PTPN13: variants seen among roughly 807,000 people sequenced by gnomAD.
The protein encoded by PTPN13 is protein tyrosine phosphatase non-receptor type 13.
In PTPN13, 191 loss-of-function variants were observed where a neutral mutation model predicts 284.0. That is an observed-to-expected ratio of 0.67 (90% CI 0.60 to 0.76). PTPN13 has a LOEUF of 0.76. PTPN13 is among the 30% of genes least tolerant of loss of function. The pLI is 0.00. For missense variants in PTPN13, 2,797 were observed against 2,939.9 expected, an observed-to-expected ratio of 0.95 and a Z score of 1.12; for synonymous variants, 986 against 1,022.3, an observed-to-expected ratio of 0.96 and a Z score of 0.68.
At chr4:86,655,588 G>A (rs1211366133) in intron 2 of PTPN13, among the ~76,000 whole-genome samples, 1 of 152,202 alleles carries the variant, frequency 6.6e-6, no homozygotes, top group Non-Finnish European at 1.5e-5. Flanking sequence ...CTTCTGGCGT[G>A]TAGAGTTTCT....
chr4:86,657,200 T>C (rs908137892), intron 2 of PTPN13, among the ~76,000 whole-genome samples: 2 of 152,170 alleles, frequency 1.3e-5, no homozygotes, highest in Non-Finnish European at 2.9e-5. Flanking sequence ...TCGTCCTGCT[T>C]CGGCTCATGC....
chr4:86,799,181 C>A lies in PTPN13; in HGVS notation c.6482C>A (p.Thr2161Lys). The change falls in exon 42 of 48, where the codon ACA becomes AAA. Residue 2161 changes from threonine to lysine, a missense_variant. Thr to Lys is a moderately conservative substitution (Grantham distance 78, BLOSUM62 -1). Coordinates refer to ENST00000411767, the MANE Select transcript of PTPN13 (RefSeq NM_080683.3). ...AATGATGAGTTGCCAATAGAGAGAA[C>A]AAACCATGAAGATTCTGATAAAGGC... ...WGNDELPIERTNHEDSDKDHS... is the reference protein window; with the variant it reads ...WGNDELPIERKNHEDSDKDHS... The A allele has an allele frequency of 6.4e-7, 1 of 1,572,548 alleles. No homozygotes were observed. Among genetic ancestry groups the A allele is most frequent in the Non-Finnish European group, 8.6e-7 (1 of 1,160,386 alleles).
intron 3 of PTPN13, among the ~76,000 whole-genome samples, chr4:86,678,528 T>C (rs1278406911): frequency 6.6e-6 from 1 of 152,216 alleles, no homozygotes; most frequent in Non-Finnish European, 1.5e-5. Context: ...AGCACCATGC[T>C]CTTGACTTTT....
chr4:86,699,311 G>A (rs1251782448), intron 6 of PTPN13, among the ~76,000 whole-genome samples: 1 of 152,020 alleles, frequency 6.6e-6, no homozygotes, highest in Non-Finnish European at 1.5e-5. Context: ...GCGTGAACCT[G>A]GGAGGCGGAG....
chr4:86,613,633 CAAA>C (rs544971012), intron 1 of PTPN13, among the ~76,000 whole-genome samples: 7 of 61,520 alleles, frequency 1.1e-4, no homozygotes, highest in Admixed American at 3.2e-4. Flanking sequence ...GACTCCGTCT[CAAA>C]AAAAAAAAAA....
intron 2 of PTPN13, among the ~76,000 whole-genome samples, chr4:86,651,827 TC>T (rs1725117888): frequency 6.6e-6 from 1 of 152,238 alleles, no homozygotes; most frequent in African/African-American, 2.4e-5. Flanking sequence ...AGTTGTAATG[TC>T]CCCTTTTTCA....
intron 1 of PTPN13, among the ~76,000 whole-genome samples, chr4:86,603,326 T>A (rs545213061): frequency 1.3e-5 from 2 of 152,282 alleles, no homozygotes; most frequent in South Asian, 4.1e-4. Flanking sequence ...CACTGTCAGA[T>A]ATATAAATTG....
chr4:86,674,765 G>T (rs1032176530), intron 3 of PTPN13, among the ~76,000 whole-genome samples: 6 of 152,100 alleles, frequency 3.9e-5, no homozygotes, highest in Non-Finnish European at 8.8e-5. Flanking sequence ...TATGGTCTTG[G>T]TCATTGTTAT....
intron 5 of PTPN13, among the ~76,000 whole-genome samples, chr4:86,693,311 A>T (rs1265363065): frequency 6.6e-6 from 1 of 152,172 alleles, no homozygotes; most frequent in Non-Finnish European, 1.5e-5. Context: ...ACTCATTTTA[A>T]CAAGTTTAAT....
At chr4:86,771,652 A>G in intron 31 of PTPN13, 117 bp downstream of exon 31, 1 of 1,144,636 alleles carries the variant, frequency 8.7e-7, no homozygotes. Context: ...CACAGTGGTT[A>G]GGCAGAGGAT....
chr4:86,713,411 TTAAA>T (rs1230803999), intron 7 of PTPN13, among the ~76,000 whole-genome samples: 1 of 152,166 alleles, frequency 6.6e-6, no homozygotes, highest in Non-Finnish European at 1.5e-5. Flanking sequence ...TAAATTAGTA[TTAAA>T]TAAAATTATT....
At chr4:86,646,133 G>A (rs555487884) in intron 2 of PTPN13, among the ~76,000 whole-genome samples, 2 of 151,796 alleles carry the variant, frequency 1.3e-5, no homozygotes, top group African/African-American at 4.8e-5. Context: ...TTGTGTCCCT[G>A]AGTTAGGCAG....
intron 3 of PTPN13, among the ~76,000 whole-genome samples, chr4:86,672,779 T>C (rs1727854248): frequency 6.6e-6 from 1 of 152,236 alleles, no homozygotes; most frequent in Non-Finnish European, 1.5e-5. Flanking sequence ...AAATACTTAT[T>C]AAATACCTGC....
In PTPN13 at chr4:86,701,400, G is replaced by A. The variant is rs757686478; in HGVS notation, c.794G>A (p.Arg265His). ...GACATTTTATCAGATAATTCTGGACGTGAAGATTCTGAAAATACATTCTCC... is the reference window on the plus strand; with the variant it reads ...GACATTTTATCAGATAATTCTGGACATGAAGATTCTGAAAATACATTCTCC... ...FKDILSDNSG[R>H]EDSENTFSPY... Residue 265 changes from arginine (R) to histidine (H), a missense_variant, in exon 7 of 48, where the codon CGT (arginine) becomes CAT (histidine). Transcript: ENST00000411767. 1.2e-4 allele frequency: 190 copies of A among 1,613,402 alleles called. No individual in the cohort carries two copies. The highest frequency in any genetic ancestry group is 3.3e-4 in the East Asian group (15 of 44,888).
At chr4:86,661,696 C>T (rs375421839) in intron 2 of PTPN13, among the ~76,000 whole-genome samples, 2 of 152,130 alleles carry the variant, frequency 1.3e-5, no homozygotes, top group Non-Finnish European at 2.9e-5. Context: ...AAGCCAGTTC[C>T]GCTCTGCAAA....
At chr4:86,748,466 G>A (rs1234324031) in intron 17 of PTPN13, among the ~76,000 whole-genome samples, 8 of 152,094 alleles carry the variant, frequency 5.3e-5, no homozygotes, top group Non-Finnish European at 5.9e-5. Flanking sequence ...ACTAAACTGA[G>A]CCTGCTATCC....
chr4:86,600,863 T>G (rs1764243561), intron 1 of PTPN13, among the ~76,000 whole-genome samples: 1 of 152,082 alleles, frequency 6.6e-6, no homozygotes, highest in Non-Finnish European at 1.5e-5. Context: ...TATAATGTAA[T>G]TCAGTTTTTG....
Position 86,814,697 on chromosome 4 carries a change from A to G in PTPN13, c.*146A>G, listed in dbSNP as rs2149404951. ...ATCTTAGAGGGGTATTCTTCTTGAA[A>G]ATAAAAAATATTGAAATGCTGTATT... On this transcript the variant is annotated 3_prime_UTR_variant, in exon 48 of 48. Coordinates refer to ENST00000411767, the MANE Select transcript of PTPN13 (RefSeq NM_080683.3). 1 of 585,450 alleles carries G rather than the reference A, an allele frequency of 1.7e-6. No individual in the cohort carries two copies. Among genetic ancestry groups the G allele is most frequent in the African/African-American group, 1.9e-5 (1 of 53,488 alleles). 36.3% of individuals were successfully genotyped at this position (585,450 alleles called of 1,614,324 possible). A position where few individuals can be genotyped will look rare whatever the true frequency, so the allele number is the denominator to read the frequency against.
Position 86,732,634 on chromosome 4 carries a change from A to G in PTPN13, c.1726A>G (p.Ile576Val), listed in dbSNP as rs368339010. ...TGAGGATAACCGAAGGAAAGTAAAC[A>G]TAATGCTTCTGAACGGGCAAAGACT... is the stretch of plus-strand genomic sequence containing the variant. ...KNEDNRRKVNIMLLNGQRLEL... is the reference protein window; with the variant it reads ...KNEDNRRKVNVMLLNGQRLEL... The change falls in exon 12 of 48, where the codon ATA (isoleucine) becomes GTA (valine). Residue 576 changes from isoleucine (I) to valine (V), a missense_variant. By Grantham distance (29) the Ile-to-Val change is conservative. Coordinates refer to ENST00000411767, the MANE Select transcript of PTPN13 (RefSeq NM_080683.3). 4.3e-6 allele frequency: 7 copies of G among 1,613,554 alleles called. No individual in the cohort carries two copies. The highest frequency in any genetic ancestry group is 2.7e-5 in the African/African-American group (2 of 74,922).
Sources: allele counts gnomAD v4.1 joint callset (sites outside exome capture counted in the v4.1 genomes callset), GRCh38; gene constraint gnomAD v4.1.1; transcripts MANE v1.5; gene names NCBI Gene and HGNC (gene_info 2026-07-23, HGNC 2026-07-21).